The following ANGPT2 variants were observed in gnomAD, a reference collection of about 807,000 sequenced individuals.
The protein encoded by ANGPT2 is angiopoietin 2.
ANGPT2 carries 28 observed loss-of-function variants against 62.9 expected under a neutral mutation model. The observed-to-expected ratio is 0.44, with a 90% CI of 0.33 to 0.61. ANGPT2 has a LOEUF of 0.61. Ranked by LOEUF, ANGPT2 falls within the 20% of genes least tolerant of loss-of-function variation. ANGPT2 has a pLI of 0.03. For missense variants in ANGPT2, 727 were observed against 594.9 expected (o/e 1.22, Z -2.31); for synonymous variants, 284 against 207.8 (o/e 1.37, Z -3.15).
chr8:6,517,895 T>C (rs564061479), intron 5 of ANGPT2, among the ~76,000 whole-genome samples: 1 of 152,326 alleles, frequency 6.6e-6, no homozygotes, highest in African/African-American at 2.4e-5. Flanking sequence ...ACACCACTTA[T>C]TTTTCAAGAT....
At chr8:6,528,705 G>A (rs1818859246) in intron 2 of ANGPT2, among the ~76,000 whole-genome samples, 1 of 152,212 alleles carries the variant, frequency 6.6e-6, no homozygotes, top group Admixed American at 6.5e-5. Context: ...TCCATGTCAT[G>A]CTTATTCAGG....
At chr8:6,547,810 G>T (rs1055861088) in intron 1 of ANGPT2, among the ~76,000 whole-genome samples, 1 of 152,112 alleles carries the variant, frequency 6.6e-6, no homozygotes, top group Non-Finnish European at 1.5e-5. Flanking sequence ...GGGGAGCACC[G>T]GAAGAAGGGA....
At chr8:6,553,824 G>A (rs374403246) in intron 1 of ANGPT2, among the ~76,000 whole-genome samples, 8 of 152,206 alleles carry the variant, frequency 5.3e-5, no homozygotes, top group African/African-American at 1.9e-4. Context: ...AAAGTCCCAC[G>A]TGATTCAGCC....
chr8:6,534,089 A>C (rs1191912574), intron 1 of ANGPT2, among the ~76,000 whole-genome samples: 1 of 152,262 alleles, frequency 6.6e-6, no homozygotes, highest in African/African-American at 2.4e-5. Flanking sequence ...CCTCCCTGGC[A>C]GTCGTTCTCC....
In ANGPT2 at chr8:6,500,034, A is replaced by T; in HGVS notation, c.*3067T>A. 1.1e-6 allele frequency: 1 copy of T among 908,438 alleles called. No individual in the cohort carries two copies. Among genetic ancestry groups the T allele is most frequent in the Non-Finnish European group, 1.8e-6 (1 of 548,632 alleles). The allele number at this position is 908,438 out of a possible 1,614,324, so 56.3% of individuals were successfully genotyped here. On this transcript the variant is annotated 3_prime_UTR_variant, in exon 9 of 9. Transcript: ENST00000629816. Reference sequence around the variant, plus strand: ...AGTTTTTATCCAGTCAAGCACAATTATGCCCATAATTAAAAAGACATTCAC... The same window carrying T: ...AGTTTTTATCCAGTCAAGCACAATTTTGCCCATAATTAAAAAGACATTCAC...
At chr8:6,512,253 G>A (rs917330863) in intron 7 of ANGPT2, among the ~76,000 whole-genome samples, 2 of 152,112 alleles carry the variant, frequency 1.3e-5, no homozygotes, top group Admixed American at 6.5e-5. Context: ...GTTTTCAGTT[G>A]GTTGTTCAGG....
intron 3 of ANGPT2, among the ~76,000 whole-genome samples, chr8:6,524,516 T>C (rs1003380077): frequency 6.6e-6 from 1 of 152,228 alleles, no homozygotes; most frequent in Non-Finnish European, 1.5e-5. Context: ...GCATGTGAAA[T>C]TGACATACAC....
chr8:6,522,017 A>G (rs564266931), intron 3 of ANGPT2, among the ~76,000 whole-genome samples: 33 of 152,278 alleles, frequency 2.2e-4, no homozygotes, highest in South Asian at 1.9e-3. Context: ...TTAGGATACT[A>G]TCACCTAGGT....
chr8:6,508,670 C>T, intron 8 of ANGPT2: 1 of 590,988 alleles, frequency 1.7e-6, no homozygotes, highest in Non-Finnish European at 3.0e-6. Context: ...TGCTAAGAAT[C>T]AAATATCCCC....
intron 3 of ANGPT2, 131 bp from the exon 4 acceptor site, chr8:6,521,541 G>C: frequency 1.5e-6 from 1 of 674,490 alleles, no homozygotes; most frequent in Non-Finnish European, 2.4e-6. Context: ...GATGTTACCA[G>C]AGCCCTAAGG....
At chr8:6,546,947 C>T (rs1376733572) in intron 1 of ANGPT2, among the ~76,000 whole-genome samples, 1 of 152,218 alleles carries the variant, frequency 6.6e-6, no homozygotes, top group Non-Finnish European at 1.5e-5. Flanking sequence ...AGCCATGTTC[C>T]TTGCAAGCTG....
chr8:6,557,114 A>G lies in ANGPT2; in HGVS notation c.288+5533T>C, dbSNP rs1824748874. On this transcript the variant is annotated intron_variant, in intron 1 of 8. Coordinates refer to ENST00000629816, the MANE Select transcript of ANGPT2 (RefSeq NM_001118887.2). Reference sequence around the variant, plus strand: ...CGCACTTCTGCCCAAATTCATGTTCATTCACACTCCTCTCAGCAGTTTTCT... The same window carrying G: ...CGCACTTCTGCCCAAATTCATGTTCGTTCACACTCCTCTCAGCAGTTTTCT... 2.0e-5 allele frequency among the ~76,000 whole-genome samples: 3 copies of G among 152,158 alleles called. No individual in the cohort carries two copies. In the South Asian group the frequency reaches 6.2e-4, roughly 32 times the overall value.
At position 6,501,597 on chromosome 8, in the gene ANGPT2, C is replaced by T. The variant is rs1297615241; in HGVS notation, c.*1504G>A. On this transcript the variant is annotated 3_prime_UTR_variant, in exon 9 of 9. Transcript: ENST00000629816. ...TGAGATGGAGTCTTGCTCTGTTGCCCCGGCTGGAGTGCAGTGGTGCGATCT... is the reference window on the plus strand; with the variant it reads ...TGAGATGGAGTCTTGCTCTGTTGCCTCGGCTGGAGTGCAGTGGTGCGATCT... 6.8e-6 allele frequency: 1 copy of T among 148,012 alleles called. No individual in the cohort carries two copies. Among genetic ancestry groups the T allele is most frequent in the South Asian group, 2.2e-4 (1 of 4,646 alleles). 9.2% of individuals were successfully genotyped at this position (148,012 alleles called of 1,614,324 possible).
intron 1 of ANGPT2, among the ~76,000 whole-genome samples, chr8:6,557,194 G>A (rs190077067): frequency 4.6e-5 from 7 of 152,274 alleles, no homozygotes; most frequent in East Asian, 1.9e-4. Context: ...GGGGATATGC[G>A]TGCTTTCCCG....
At chr8:6,509,550 T>G (rs1800723272) in intron 7 of ANGPT2, among the ~76,000 whole-genome samples, 1 of 152,092 alleles carries the variant, frequency 6.6e-6, no homozygotes, top group Admixed American at 6.5e-5. Context: ...GTGCTGAAAA[T>G]AAATCCTTGT....
intron 1 of ANGPT2, among the ~76,000 whole-genome samples, chr8:6,545,158 G>A (rs1031501946): frequency 2.0e-5 from 3 of 152,116 alleles, no homozygotes; most frequent in Non-Finnish European, 2.9e-5. Flanking sequence ...ATAGAAGTCA[G>A]AATAATGTCT....
At chr8:6,552,416 A>T (rs1823810630) in intron 1 of ANGPT2, among the ~76,000 whole-genome samples, 1 of 152,220 alleles carries the variant, frequency 6.6e-6, no homozygotes, top group South Asian at 2.1e-4. Context: ...CACACTTACG[A>T]TGGTCCTTTT....
intron 7 of ANGPT2, among the ~76,000 whole-genome samples, chr8:6,512,904 TCTCTAA>T (rs1361448625): frequency 6.6e-6 from 1 of 152,238 alleles, no homozygotes; most frequent in Non-Finnish European, 1.5e-5. Flanking sequence ...AACTCTGCCA[TCTCTAA>T]ACTTGACAAC....
intron 2 of ANGPT2, among the ~76,000 whole-genome samples, 166 bp from the exon 3 acceptor site, chr8:6,527,842 A>G (rs1381065296): frequency 1.3e-5 from 2 of 151,324 alleles, no homozygotes; most frequent in African/African-American, 2.4e-5. Flanking sequence ...AAAAGGCTCA[A>G]TGTCTTAGAT....
Sources: allele counts gnomAD v4.1 joint callset (sites outside exome capture counted in the v4.1 genomes callset), GRCh38; gene constraint gnomAD v4.1.1; transcripts MANE v1.5; gene names NCBI Gene and HGNC (gene_info 2026-07-23, HGNC 2026-07-21).